MAP2: variants seen among roughly 807,000 people sequenced by gnomAD.
MAP2 encodes microtubule-associated protein 2.
A neutral mutation model predicts 137.6 loss-of-function variants in MAP2; 14 were observed. The ratio of observed to expected loss-of-function variants is 0.10; its 90% confidence interval spans 0.07 to 0.16. MAP2 has a LOEUF of 0.16. MAP2 is among the 10% of genes least tolerant of loss of function. The pLI is 1.00. For missense variants in MAP2, 2,088 were observed against 2,191.5 expected (o/e 0.95, Z 0.94); for synonymous variants, 786 against 782.3 (o/e 1.00, Z -0.08).
chr2:209,625,620 G>A, intron 4 of MAP2, among the ~76,000 whole-genome samples: 1 of 152,270 alleles, frequency 6.6e-6, no homozygotes. Context: ...GGCTTTGGAA[G>A]CAGGCACTGG....
chr2:209,577,746 A>G (rs919656994), intron 2 of MAP2, among the ~76,000 whole-genome samples: 4 of 152,182 alleles, frequency 2.6e-5, no homozygotes, highest in Non-Finnish European at 5.9e-5. Flanking sequence ...TGCTTGCAGA[A>G]ATAATGAGGC....
chr2:209,428,596 T>C (rs1294708739), intron 1 of MAP2, among the ~76,000 whole-genome samples: 1 of 152,060 alleles, frequency 6.6e-6, no homozygotes, highest in African/African-American at 2.4e-5. Context: ...GATATTCTTA[T>C]TGAAATTTAT....
chr2:209,582,638 GGATA>G (rs906911237), intron 3 of MAP2, among the ~76,000 whole-genome samples: 7 of 149,710 alleles, frequency 4.7e-5, no homozygotes, highest in East Asian at 2.0e-4. Flanking sequence ...AAGCATTTAA[GGATA>G]GATAGATAGA....
At chr2:209,609,509 T>G (rs946276432) in intron 3 of MAP2, among the ~76,000 whole-genome samples, 18 of 152,178 alleles carry the variant, frequency 1.2e-4, no homozygotes, top group Admixed American at 3.9e-4. Flanking sequence ...CTGCCTCACC[T>G]CTATCCTAGA....
Position 209,695,601 on chromosome 2 carries a change from C to T in MAP2, c.3431C>T (p.Ser1144Phe). ...GAGCATGAAAGTCTCACCATGGAGTCCTTGAAAGCTGATGAGGGCAAGAAG... is the reference window on the plus strand; with the variant it reads ...GAGCATGAAAGTCTCACCATGGAGTTCTTGAAAGCTGATGAGGGCAAGAAG... ...SGEHESLTME[S>F]LKADEGKKET... Residue 1144 changes from serine to phenylalanine, a missense_variant, in exon 8 of 16, where the codon TCC (serine) becomes TTC (phenylalanine). By Grantham distance (155) the Ser-to-Phe change is radical. This residue lies in a region of MAP2 where 591 missense variants were observed against 642.6 expected (regional missense o/e 0.92). Transcript: ENST00000682079. 1 of 1,613,862 alleles carries T rather than the reference C, an allele frequency of 6.2e-7. No individual in the cohort carries two copies. Among genetic ancestry groups the T allele is most frequent in the African/African-American group, 1.3e-5 (1 of 75,014 alleles).
intron 2 of MAP2, among the ~76,000 whole-genome samples, chr2:209,577,597 T>A (rs933105689): frequency 6.6e-6 from 1 of 152,192 alleles, no homozygotes; most frequent in African/African-American, 2.4e-5. Context: ...TGAATTATTA[T>A]CATTATTATT....
chr2:209,685,469 T>G (rs1426051733), intron 7 of MAP2, among the ~76,000 whole-genome samples: 1 of 152,156 alleles, frequency 6.6e-6, no homozygotes, highest in Non-Finnish European at 1.5e-5. Flanking sequence ...CTGGTCCCCA[T>G]AAAGCATAGC....
chr2:209,585,521 G>GT (rs891402196), intron 3 of MAP2, among the ~76,000 whole-genome samples: 3 of 152,072 alleles, frequency 2.0e-5, no homozygotes, highest in African/African-American at 7.2e-5. Flanking sequence ...ACATTTTGAT[G>GT]TATTTTTTAT....
At chr2:209,464,041 A>G (rs192531299) in intron 1 of MAP2, among the ~76,000 whole-genome samples, 1 of 152,276 alleles carries the variant, frequency 6.6e-6, no homozygotes, top group East Asian at 1.9e-4. Flanking sequence ...GAGTTTAGGA[A>G]TGACTAATGG....
At position 209,618,291 on chromosome 2, in the gene MAP2, C is replaced by G. The variant is rs116171696; in HGVS notation, c.-106-6762C>G. On this transcript the variant is annotated intron_variant, in intron 3 of 15. Transcript: ENST00000682079. ...TACAAAGATGGAATTAATAGGTCTG[C>G]AAAAGAACTAGTCTAAGAAAATGTG... Among the ~76,000 whole-genome samples, 718 of 152,068 alleles carry G rather than the reference C, an allele frequency of 4.7e-3. 9 individuals carry two copies. The highest frequency in any genetic ancestry group is 0.016 in the African/African-American group (671 of 41,488).
At chr2:209,429,898 A>C (rs984637264) in intron 1 of MAP2, among the ~76,000 whole-genome samples, 1 of 152,122 alleles carries the variant, frequency 6.6e-6, no homozygotes, top group East Asian at 1.9e-4. Flanking sequence ...AAAATGAATA[A>C]TATGGTATCA....
chr2:209,658,796 T>G (rs1312241954), intron 5 of MAP2, among the ~76,000 whole-genome samples: 2 of 152,124 alleles, frequency 1.3e-5, no homozygotes, highest in Non-Finnish European at 2.9e-5. Flanking sequence ...CGTGAGCCAC[T>G]GCGCCCGGCC....
intron 13 of MAP2, chr2:209,710,594 T>G (rs2065103046): frequency 5.1e-6 from 1 of 194,874 alleles, no homozygotes; most frequent in Admixed American, 5.5e-5. Flanking sequence ...GTTTTCTATT[T>G]TAGTTTCTGA....
chr2:209,540,870 T>A (rs2066903102), intron 2 of MAP2, among the ~76,000 whole-genome samples: 1 of 150,510 alleles, frequency 6.6e-6, no homozygotes, highest in Admixed American at 6.6e-5. Context: ...TTACTGCAGG[T>A]TTAGTTCTAG....
intron 4 of MAP2, among the ~76,000 whole-genome samples, chr2:209,635,797 G>A (rs1220283266): frequency 1.3e-5 from 2 of 152,110 alleles, no homozygotes; most frequent in African/African-American, 2.4e-5. Context: ...AAGTTAAAAC[G>A]CATTTTCTCT....
rs759252745 is a variant in MAP2 at position 209,693,282 on chromosome 2, C to A, written c.1112C>A (p.Pro371His). Reference protein sequence around the residue: ...TAKDSFKIEEPHEAKPDKMAE... With the variant: ...TAKDSFKIEEHHEAKPDKMAE... ...AAAGATAGTTTTAAAATTGAAGAGC[C>A]CCATGAGGCTAAACCTGACAAAATG... The change falls in exon 8 of 16, where the codon CCC becomes CAC. Residue 371 changes from proline to histidine, a missense_variant. Physicochemically the swap from Pro to His is moderately conservative, Grantham distance 77. Transcript: ENST00000682079. 1 of 1,614,036 alleles carries A rather than the reference C, an allele frequency of 6.2e-7. No individual in the cohort carries two copies. Among genetic ancestry groups the A allele is most frequent in the South Asian group, 1.1e-5 (1 of 91,078 alleles).
At chr2:209,558,589 G>C (rs1267192408) in intron 2 of MAP2, among the ~76,000 whole-genome samples, 2 of 150,558 alleles carry the variant, frequency 1.3e-5, no homozygotes, top group African/African-American at 4.9e-5. Flanking sequence ...CTACAATACT[G>C]TTATCAGAGC....
chr2:209,704,459 T>C, intron 11 of MAP2: 1 of 1,605,254 alleles, frequency 6.2e-7, no homozygotes, highest in Non-Finnish European at 8.5e-7. Context: ...GAATTCTACC[T>C]TGTCAAAGAT....
intron 2 of MAP2, among the ~76,000 whole-genome samples, chr2:209,553,622 T>A (rs557865166): frequency 1.2e-3 from 177 of 152,332 alleles, no homozygotes; most frequent in Middle Eastern, 3.4e-3. Flanking sequence ...GTTATTGGCA[T>A]AACTTCTCAG....
Sources: allele counts gnomAD v4.1 joint callset (sites outside exome capture counted in the v4.1 genomes callset), GRCh38; gene constraint gnomAD v4.1.1; regional missense constraint gnomAD v4.1.1; transcripts MANE v1.5; gene names NCBI Gene and HGNC (gene_info 2026-07-23, HGNC 2026-07-21).